Variants in UNC13C observed in about 807,000 individuals in gnomAD.
UNC13C encodes the protein protein unc-13 homolog C.
A neutral mutation model predicts 245.4 loss-of-function variants in UNC13C; 174 were observed. The observed-to-expected ratio is 0.71, with a 90% CI of 0.63 to 0.80. The LOEUF is 0.80. UNC13C is among the 30% of genes least tolerant of loss of function. The pLI, the probability that UNC13C is intolerant of heterozygous loss-of-function variation, is 0.00. For missense variants in UNC13C, 2,829 were observed against 2,602.9 expected (o/e 1.09, Z -1.89); for synonymous variants, 992 against 895.1 (o/e 1.11, Z -1.93).
chr15:54,549,049 T>C (rs1330641550), intron 27 of UNC13C, among the ~76,000 whole-genome samples: 1 of 152,194 alleles, frequency 6.6e-6, no homozygotes, highest in African/African-American at 2.4e-5. Context: ...CCAAATTTAG[T>C]ACTTTTCCAG....
chr15:54,159,597 T>A (rs2032891603), intron 4 of UNC13C, among the ~76,000 whole-genome samples: 1 of 152,202 alleles, frequency 6.6e-6, no homozygotes, highest in Non-Finnish European at 1.5e-5. Context: ...AAATGTGTCT[T>A]AATAATCTAG....
At chr15:54,516,435 T>TA (rs1206240588) in intron 24 of UNC13C, among the ~76,000 whole-genome samples, 2 of 152,206 alleles carry the variant, frequency 1.3e-5, no homozygotes, top group Admixed American at 6.5e-5. Flanking sequence ...TTTGCATTTC[T>TA]AACGAATCTC....
chr15:54,520,129 A>G (rs1895153020), intron 24 of UNC13C, among the ~76,000 whole-genome samples: 1 of 152,124 alleles, frequency 6.6e-6, no homozygotes, highest in South Asian at 2.1e-4. Flanking sequence ...GAAACAGGAA[A>G]TAGGAACACA....
intron 2 of UNC13C, among the ~76,000 whole-genome samples, chr15:54,046,245 C>T (rs917267380): frequency 1.3e-5 from 2 of 152,012 alleles, no homozygotes; most frequent in Non-Finnish European, 2.9e-5. Flanking sequence ...TTCTATGAGG[C>T]GTGTCATCAG....
chr15:54,584,387 T>C (rs1306156481), intron 30 of UNC13C, among the ~76,000 whole-genome samples: 1 of 152,206 alleles, frequency 6.6e-6, no homozygotes, highest in East Asian at 1.9e-4. Context: ...TCCCTCAGTT[T>C]ATAAATACCT....
chr15:54,470,578 C>T (rs1892406931), intron 19 of UNC13C, among the ~76,000 whole-genome samples: 1 of 150,274 alleles, frequency 6.7e-6, no homozygotes, highest in South Asian at 2.1e-4. Context: ...TTTGTGTTAT[C>T]AGCTGTAATA....
chr15:53,960,453 T>C, the UNC13C span, among the ~76,000 whole-genome samples: 3 of 152,186 alleles, frequency 2.0e-5, no homozygotes, highest in Non-Finnish European at 4.4e-5. Flanking sequence ...AAAGTTTTAT[T>C]ACCCTTTTCA....
chr15:54,136,588 T>C (rs2031744932), intron 2 of UNC13C, among the ~76,000 whole-genome samples: 1 of 152,120 alleles, frequency 6.6e-6, no homozygotes, highest in Non-Finnish European at 1.5e-5. Context: ...CTATGCTGGA[T>C]AGAAACGATG....
Position 54,293,917 on chromosome 15 carries a change from C to A in UNC13C, c.3841C>A (p.Arg1281=), listed in dbSNP as rs770810832. The change falls in exon 11 of 33, where the codon CGA becomes AGA. Residue 1281 remains arginine, a synonymous_variant. Transcript: ENST00000260323. Reference sequence around the variant, plus strand: ...CAGTGAGTGTCATAACTCCACAGATCGAATCAAAGTCAGAGTATGGGATGA... The same window carrying A: ...CAGTGAGTGTCATAACTCCACAGATAGAATCAAAGTCAGAGTATGGGATGA... ...FYFECHNSTD[R]IKVRVWDEDD... 3.2e-6 allele frequency: 5 copies of A among 1,575,818 alleles called. No homozygotes were observed. In the South Asian group the frequency reaches 3.6e-5, roughly 11 times the overall value.
intron 19 of UNC13C, among the ~76,000 whole-genome samples, chr15:54,434,488 G>T (rs1490191333): frequency 6.6e-6 from 1 of 151,850 alleles, no homozygotes; most frequent in Non-Finnish European, 1.5e-5. Flanking sequence ...TGGGGAAAGT[G>T]TTCCCTATTT....
At chr15:53,955,181 C>T in the UNC13C span, among the ~76,000 whole-genome samples, 2 of 151,980 alleles carry the variant, frequency 1.3e-5, no homozygotes, top group Non-Finnish European at 2.9e-5. Flanking sequence ...TATAGTATTT[C>T]CCCTGCATAG....
At chr15:54,032,736 C>G (rs1458084314) in intron 2 of UNC13C, among the ~76,000 whole-genome samples, 3 of 152,092 alleles carry the variant, frequency 2.0e-5, no homozygotes, top group African/African-American at 7.2e-5. Context: ...GGAGGATTTC[C>G]TAGAAACTGG....
the UNC13C span, among the ~76,000 whole-genome samples, chr15:53,924,384 G>A: frequency 3.3e-5 from 5 of 152,124 alleles, no homozygotes; most frequent in South Asian, 2.1e-4. Context: ...GAGGAATGAT[G>A]CTTTCCCTTT....
At chr15:53,919,974 T>C in the UNC13C span, among the ~76,000 whole-genome samples, 9 of 152,178 alleles carry the variant, frequency 5.9e-5, no homozygotes, top group Non-Finnish European at 1.2e-4. Flanking sequence ...GTTTTTTTTT[T>C]CCAATCCATC....
chr15:53,941,658 A>C, the UNC13C span, among the ~76,000 whole-genome samples: 2 of 152,190 alleles, frequency 1.3e-5, no homozygotes, highest in Non-Finnish European at 2.9e-5. Flanking sequence ...TGTGTAATCT[A>C]TCCATCTGAC....
intron 2 of UNC13C, among the ~76,000 whole-genome samples, chr15:54,046,052 G>GT (rs909846663): frequency 1.3e-5 from 2 of 151,884 alleles, no homozygotes; most frequent in Admixed American, 6.6e-5. Context: ...CAAGTTTGCT[G>GT]TTTTTTTAAC....
chr15:54,035,410 A>T (rs1026774609), intron 2 of UNC13C, among the ~76,000 whole-genome samples: 12 of 152,152 alleles, frequency 7.9e-5, no homozygotes, highest in African/African-American at 2.9e-4. Context: ...TATAGCAAAA[A>T]TCAAAATGCT....
At position 54,015,858 on chromosome 15, in the gene UNC13C, A is replaced by T; in HGVS notation, c.2955A>T (p.Ala985=). ...TAAGGGCCTATAAAAAGCAAATGGC[A>T]GAGTTGGAAGAGAAGATCTTGGCTG... ...AALRAYKKQM[A]ELEEKILAGD... The change falls in exon 2 of 33, where the codon GCA becomes GCT. Residue 985 remains alanine, a synonymous_variant. Transcript: ENST00000260323. 6.3e-7 allele frequency: 1 copy of T among 1,596,422 alleles called. No homozygotes were observed. Among genetic ancestry groups the T allele is most frequent in the Non-Finnish European group, 8.5e-7 (1 of 1,172,886 alleles).
chr15:54,006,150 G>T (rs1345978485), intron 1 of UNC13C, among the ~76,000 whole-genome samples: 1 of 152,114 alleles, frequency 6.6e-6, no homozygotes, highest in Non-Finnish European at 1.5e-5. Flanking sequence ...GATTATTTGA[G>T]ATAAACCACA....
Sources: gnomAD v4.1 joint callset for allele counts (sites outside exome capture counted in the v4.1 genomes callset) on GRCh38, gnomAD v4.1.1 for gene constraint, MANE v1.5 for transcripts, NCBI Gene and HGNC (gene_info 2026-07-23, HGNC 2026-07-21) for gene names.